RFX3: variants seen among roughly 807,000 people sequenced by gnomAD.
The protein encoded by RFX3 is regulatory factor X3.
Under a neutral mutation model 98.6 loss-of-function variants are expected in RFX3, and 14 were observed. The ratio of observed to expected loss-of-function variants is 0.14; its 90% confidence interval spans 0.09 to 0.22. RFX3 has a LOEUF of 0.22. RFX3 is among the 10% of genes least tolerant of loss of function. RFX3 has a pLI of 1.00. For missense variants in RFX3, 639 were observed against 926.9 expected, an observed-to-expected ratio of 0.69 and a Z score of 4.03; for synonymous variants, 383 against 328.4, an observed-to-expected ratio of 1.17 and a Z score of -1.80.
intron 1 of RFX3, among the ~76,000 whole-genome samples, chr9:3,519,501 C>T (rs147939441): frequency 0.011 from 1,731 of 152,254 alleles, 27 homozygotes; most frequent in South Asian, 0.031. Flanking sequence ...ATAAAGCCAA[C>T]GCGTATTGAA....
chr9:3,427,261 T>C (rs1844149283), intron 1 of RFX3, among the ~76,000 whole-genome samples: 1 of 143,682 alleles, frequency 7.0e-6, no homozygotes, highest in South Asian at 2.1e-4. Context: ...TATATAATAC[T>C]ATATATATAT....
At chr9:3,429,113 C>T (rs1204457275) in intron 1 of RFX3, among the ~76,000 whole-genome samples, 1 of 150,474 alleles carries the variant, frequency 6.6e-6, no homozygotes, top group Non-Finnish European at 1.5e-5. Context: ...AGCTCCGCCT[C>T]CCGGGTTCAT....
chr9:3,265,787 C>A lies in RFX3; in HGVS notation c.1455+421G>T, dbSNP rs545388936. On this transcript the variant is annotated intron_variant, in intron 12 of 16. Transcript: ENST00000617270. ...GCAAAACAATATTAATTTCTATGAA[C>A]TTTTCAGGATATGATAAGTATAGCA... 3.2e-3 allele frequency among the ~76,000 whole-genome samples: 490 copies of A among 152,212 alleles called. 4 individuals carry two copies. The highest frequency in any genetic ancestry group is 0.012 in the African/African-American group (482 of 41,552).
At chr9:3,229,045 T>G (rs752153051) in intron 15 of RFX3, among the ~76,000 whole-genome samples, 156 bp from the exon 16 acceptor site, 1 of 152,224 alleles carries the variant, frequency 6.6e-6, no homozygotes, top group Non-Finnish European at 1.5e-5. Context: ...AATTTTCCAA[T>G]CAAACTTGTC....
intron 1 of RFX3, among the ~76,000 whole-genome samples, chr9:3,424,346 G>A (rs943960719): frequency 8.0e-6 from 1 of 124,574 alleles, no homozygotes; most frequent in Non-Finnish European, 1.7e-5. Flanking sequence ...TTACATAATT[G>A]ACTTTTTTTT....
At chr9:3,438,802 A>C (rs943609722) in intron 1 of RFX3, among the ~76,000 whole-genome samples, 6 of 152,066 alleles carry the variant, frequency 3.9e-5, no homozygotes, top group African/African-American at 1.4e-4. Flanking sequence ...GAATAATTTC[A>C]TAATGATAAA....
intron 1 of RFX3, among the ~76,000 whole-genome samples, chr9:3,505,615 A>T (rs1450262750): frequency 6.6e-6 from 1 of 150,496 alleles, no homozygotes; most frequent in African/African-American, 2.4e-5. Flanking sequence ...GCAGCTACCA[A>T]AGTATCAATA....
At chr9:3,239,502 T>C (rs1428332125) in intron 15 of RFX3, among the ~76,000 whole-genome samples, 2 of 152,210 alleles carry the variant, frequency 1.3e-5, no homozygotes, top group Non-Finnish European at 2.9e-5. Flanking sequence ...CAGGGCAGCA[T>C]GATTCTAACT....
At chr9:3,301,140 T>C (rs1157514958) in intron 5 of RFX3, among the ~76,000 whole-genome samples, 1 of 151,908 alleles carries the variant, frequency 6.6e-6, no homozygotes, top group African/African-American at 2.4e-5. Flanking sequence ...TCATCCTTTT[T>C]CTACTTAAAG....
chr9:3,317,201 C>G (rs1333120317), intron 4 of RFX3, among the ~76,000 whole-genome samples: 1 of 152,108 alleles, frequency 6.6e-6, no homozygotes, highest in African/African-American at 2.4e-5. Context: ...ATAGAGCCCT[C>G]AGAAATAATA....
At chr9:3,394,895 C>A (rs770631618) in intron 2 of RFX3, 93 of 938,778 alleles carry the variant, frequency 9.9e-5, no homozygotes, top group Non-Finnish European at 1.2e-4. Context: ...ATGAATAAGA[C>A]CTGTAGTAAA....
At chr9:3,518,054 T>G (rs1049941183) in intron 1 of RFX3, among the ~76,000 whole-genome samples, 4 of 152,202 alleles carry the variant, frequency 2.6e-5, no homozygotes, top group Non-Finnish European at 4.4e-5. Context: ...GAGTTACAAG[T>G]GCCTACAGTA....
At chr9:3,456,510 T>C (rs578140090) in intron 1 of RFX3, among the ~76,000 whole-genome samples, 76 of 152,318 alleles carry the variant, frequency 5.0e-4, no homozygotes, top group African/African-American at 1.6e-3. Flanking sequence ...GCCTGTTTAA[T>C]TCAAGTCCAT....
chr9:3,303,325 CT>C (rs914580814), intron 4 of RFX3, among the ~76,000 whole-genome samples: 34 of 151,274 alleles, frequency 2.2e-4, no homozygotes, highest in African/African-American at 6.8e-4. Flanking sequence ...TCAATAAGTG[CT>C]TTTTTTTCAA....
At chr9:3,493,313 C>A (rs73387741) in intron 1 of RFX3, among the ~76,000 whole-genome samples, 2,014 of 152,188 alleles carry the variant, frequency 0.013, 56 homozygotes, top group African/African-American at 0.046. Context: ...ATCCACTCTG[C>A]TATCTATCCT....
At chr9:3,468,555 T>C (rs995449513) in intron 1 of RFX3, among the ~76,000 whole-genome samples, 1 of 152,196 alleles carries the variant, frequency 6.6e-6, no homozygotes, top group Non-Finnish European at 1.5e-5. Context: ...CAGCTTTCAC[T>C]TGTCATTCCT....
chr9:3,520,463 G>A (rs1190083338), intron 1 of RFX3, among the ~76,000 whole-genome samples: 2 of 152,050 alleles, frequency 1.3e-5, no homozygotes, highest in East Asian at 3.9e-4. Context: ...GAAAAGAGTC[G>A]ATGATACAAG....
intron 15 of RFX3, among the ~76,000 whole-genome samples, chr9:3,231,062 T>C (rs1818380130): frequency 6.6e-6 from 1 of 152,228 alleles, no homozygotes; most frequent in Non-Finnish European, 1.5e-5. Context: ...TCTCAGTGAT[T>C]GTTATTATCA....
chr9:3,469,161 GAGAA>G (rs781616462), intron 1 of RFX3: 17 of 454,660 alleles, frequency 3.7e-5, no homozygotes, highest in East Asian at 1.4e-4. Flanking sequence ...TTAACAAAAA[GAGAA>G]AGAAAGAAAT....
Sources: allele counts gnomAD v4.1 joint callset (sites outside exome capture counted in the v4.1 genomes callset), GRCh38; gene constraint gnomAD v4.1.1; transcripts MANE v1.5; gene names NCBI Gene and HGNC (gene_info 2026-07-23, HGNC 2026-07-21).